ANKRD16: variants seen among roughly 807,000 people sequenced by gnomAD.
ANKRD16 encodes ankyrin repeat domain-containing protein 16.
ANKRD16 carries 35 observed loss-of-function variants against 37.9 expected under a neutral mutation model. That is an observed-to-expected ratio of 0.92 (90% CI 0.71 to 1.23). The LOEUF (loss-of-function observed/expected upper bound fraction) is 1.23. Ranked by LOEUF, ANKRD16 falls within the 50% of genes most tolerant of loss-of-function variation. The probability of loss-of-function intolerance (pLI) is 0.00; values close to 1 mark genes in which losing one functional copy is unlikely to be tolerated. For missense variants in ANKRD16, 480 were observed against 469.9 expected (o/e 1.02, Z -0.20); for synonymous variants, 206 against 197.2 (o/e 1.04, Z -0.37).
chr10:5,883,054 A>G lies in ANKRD16; in HGVS notation c.801T>C (p.Asp267=). The change falls in exon 5 of 8, where the codon GAT becomes GAC. Residue 267 remains aspartate (D), a synonymous_variant. Coordinates refer to ENST00000380094, the MANE Select transcript of ANKRD16 (RefSeq NM_019046.3). ...TGAGGTGGGTTGATGTGGCTCTCACATCTACATCGACGCCAAGTTCAGAGA... is the reference window on the plus strand; with the variant it reads ...TGAGGTGGGTTGATGTGGCTCTCACGTCTACATCGACGCCAAGTTCAGAGA... The part of the protein sequence containing the change: ...FLVSELGVDV[D]VRATSTHLTA... 1 of 1,614,108 alleles carries G rather than the reference A, an allele frequency of 6.2e-7. No homozygotes were observed. The highest frequency in any genetic ancestry group is 8.5e-7 in the Non-Finnish European group (1 of 1,180,038).
At chr10:5,886,043 C>G (rs1405426088) in intron 2 of ANKRD16, among the ~76,000 whole-genome samples, 1 of 152,240 alleles carries the variant, frequency 6.6e-6, no homozygotes, top group Non-Finnish European at 1.5e-5. Context: ...AGTTACACTT[C>G]TGTGCTGTGG....
At chr10:5,876,705 C>G (rs886065956) in intron 7 of ANKRD16, among the ~76,000 whole-genome samples, 1 of 152,170 alleles carries the variant, frequency 6.6e-6, no homozygotes, top group African/African-American at 2.4e-5. Flanking sequence ...TGCTCTGTGC[C>G]AAACCGAGCC....
rs1482151882 is a variant in ANKRD16, at chr10:5,862,630, A to C, written c.*95T>G. 7.8e-7 allele frequency: 1 copy of C among 1,289,414 alleles called. No homozygotes were observed. Among genetic ancestry groups the C allele is most frequent in the African/African-American group, 1.5e-5 (1 of 65,802 alleles). The allele number at this position is 1,289,414 out of a possible 1,614,324, so 79.9% of individuals were successfully genotyped here. A position where few individuals can be genotyped will look rare whatever the true frequency, so the allele number is the denominator to read the frequency against. Reference sequence around the variant, plus strand: ...TTGAACTCAGGTTCAGGATGACTGAAGCAAGTTGCACTTGGCTTTCTCTGA... The same window carrying C: ...TTGAACTCAGGTTCAGGATGACTGACGCAAGTTGCACTTGGCTTTCTCTGA... On this transcript the variant is annotated 3_prime_UTR_variant, in exon 8 of 8. Transcript: ENST00000380094. The surrounding 1 kb of genome is among the most constrained non-coding windows in gnomAD (Gnocchi z 6.5).
rs1842041848 is a variant in ANKRD16 at position 5,868,128 on chromosome 10, G to A, written c.*34-5437C>T. On this transcript the variant is annotated intron_variant, in intron 7 of 7. Coordinates refer to ENST00000380094, the MANE Select transcript of ANKRD16 (RefSeq NM_019046.3). This position sits in a 1 kb window ranked among gnomAD's most constrained non-coding sequence, Gnocchi z 4.9. ...TCCATCTTGCTATTACTCACCTTTGGGCCCTGTATTTTTAACCTCTTTGTC... is the reference window on the plus strand; with the variant it reads ...TCCATCTTGCTATTACTCACCTTTGAGCCCTGTATTTTTAACCTCTTTGTC... Among the ~76,000 whole-genome samples, 1 of 152,042 alleles carries A rather than the reference G, an allele frequency of 6.6e-6. No individual in the cohort carries two copies.
At chr10:5,884,701 C>T (rs1842386198) in intron 3 of ANKRD16, among the ~76,000 whole-genome samples, 1 of 144,988 alleles carries the variant, frequency 6.9e-6, no homozygotes, top group South Asian at 2.1e-4. Context: ...CATTGCAGTC[C>T]AGCCTGGGTG....
intron 6 of ANKRD16, among the ~76,000 whole-genome samples, chr10:5,879,818 T>C (rs968518892): frequency 6.6e-6 from 1 of 152,074 alleles, no homozygotes; most frequent in African/African-American, 2.4e-5. Flanking sequence ...TATGAAGGCT[T>C]TGCAGAGAAA....
chr10:5,877,668 C>T (rs903312997), intron 7 of ANKRD16, among the ~76,000 whole-genome samples: 3 of 152,174 alleles, frequency 2.0e-5, no homozygotes, highest in African/African-American at 7.2e-5. Context: ...ATTAAATGGG[C>T]CAACTGCATT....
At chr10:5,884,853 A>G (rs1842390565) in intron 3 of ANKRD16, among the ~76,000 whole-genome samples, 1 of 151,436 alleles carries the variant, frequency 6.6e-6, no homozygotes, top group African/African-American at 2.4e-5. Flanking sequence ...TCTTAAATGT[A>G]CCACAGTTGT....
rs754172394 is a variant in ANKRD16 at position 5,878,470 on chromosome 10, T to C, written c.929-183A>G. Among the ~76,000 whole-genome samples the C allele has an allele frequency of 2.0e-5, 3 of 151,838 alleles. No individual in the cohort carries two copies. The highest frequency in any genetic ancestry group is 2.4e-5 in the African/African-American group (1 of 41,320). ...TCTAACCTGATTGGGTTGAAAATAG[T>C]TTTAAAGATAACAAAACCAGTTAGA... On this transcript the variant is annotated intron_variant, in intron 6 of 7. Coordinates refer to ENST00000380094, the MANE Select transcript of ANKRD16 (RefSeq NM_019046.3). This position sits in a 1 kb window ranked among gnomAD's most constrained non-coding sequence, Gnocchi z 5.1.
In ANKRD16 at chr10:5,889,326, A is replaced by C. The variant is rs1842546408; in HGVS notation, c.29T>G (p.Leu10Arg). 7.1e-6 allele frequency: 9 copies of C among 1,266,160 alleles called. No individual in the cohort carries two copies. In the South Asian group the frequency reaches 2.4e-4, roughly 33 times the overall value. 78.4% of individuals were successfully genotyped at this position (1,266,160 alleles called of 1,614,324 possible). MAQPGDPRR[L>R]CRLVQEGRLR... ...CCGGCCCTCCTGCACCAGCCTGCAG[A>C]GGCGCCGCGGGTCCCCGGGCTGGGC... Residue 10 changes from leucine to arginine, a missense_variant, in exon 1 of 8, where the codon CTC (leucine) becomes CGC (arginine). Transcript: ENST00000380094.
At position 5,889,072 on chromosome 10, in the gene ANKRD16, C is replaced by G; in HGVS notation, c.283G>C (p.Ala95Pro). The G allele has an allele frequency of 3.2e-6, 5 of 1,555,960 alleles. No homozygotes were observed. The highest frequency in any genetic ancestry group is 4.3e-6 in the Non-Finnish European group (5 of 1,157,378). Residue 95 changes from alanine to proline, a missense_variant, in exon 1 of 8, where the codon GCA becomes CCA. Ala to Pro is a conservative substitution (Grantham distance 27, BLOSUM62 -1). Coordinates refer to ENST00000380094, the MANE Select transcript of ANKRD16 (RefSeq NM_019046.3). Reference protein sequence around the residue: ...DCVRYLLGRGAAVDCLKKADW... With the variant: ...DCVRYLLGRGPAVDCLKKADW... Reference sequence around the variant, plus strand: ...GCCTTCTTCAGGCAGTCGACCGCTGCCCCCCGGCCCAGCAGGTAGCGCACG... The same window carrying G: ...GCCTTCTTCAGGCAGTCGACCGCTGGCCCCCGGCCCAGCAGGTAGCGCACG...
chr10:5,885,165 C>T (rs1427478897), intron 3 of ANKRD16, among the ~76,000 whole-genome samples: 1 of 151,982 alleles, frequency 6.6e-6, no homozygotes, highest in African/African-American at 2.4e-5. Flanking sequence ...GCACCTGGTA[C>T]AGGGCTTTAT....
intron 3 of ANKRD16, 129 bp from the exon 4 acceptor site, chr10:5,884,206 T>A: frequency 1.5e-6 from 1 of 669,946 alleles, no homozygotes; most frequent in South Asian, 1.8e-5. Context: ...GCTCTCTCTA[T>A]TCTCCCCCAT....
At chr10:5,875,613 AT>A (rs1281021453) in intron 7 of ANKRD16, among the ~76,000 whole-genome samples, 2 of 152,154 alleles carry the variant, frequency 1.3e-5, no homozygotes, top group Non-Finnish European at 1.5e-5. Flanking sequence ...TAATAGAAAA[AT>A]ATTAGTTATC....
In ANKRD16 at chr10:5,878,096, C is replaced by G; in HGVS notation, c.*33+1G>C. The G allele has an allele frequency of 6.2e-7, 1 of 1,601,470 alleles. No individual in the cohort carries two copies. ...GACTTAAGAAGCAGGATATGAATTA[C>G]CATGCACTTTATTGCCTCCTCTTGG... On this transcript the variant is annotated splice_donor_variant, in intron 7 of 7. Transcript: ENST00000380094. LOFTEE classifies it low-confidence loss of function (3UTR_SPLICE). The surrounding 1 kb of genome is among the most constrained non-coding windows in gnomAD (Gnocchi z 5.1).
At position 5,874,870 on chromosome 10, in the gene ANKRD16, T is replaced by C. The variant is rs185498357; in HGVS notation, c.*33+3227A>G. Among the ~76,000 whole-genome samples the C allele has an allele frequency of 4.9e-4, 74 of 152,110 alleles. No homozygotes were observed. In the East Asian group the frequency reaches 0.013, roughly 27 times the overall value. Reference sequence around the variant, plus strand: ...TGCTGGAGACAGAAGCTGGTACGCATGAGCACGGAGGGCCAGCCTGACAGA... The same window carrying C: ...TGCTGGAGACAGAAGCTGGTACGCACGAGCACGGAGGGCCAGCCTGACAGA... On this transcript the variant is annotated intron_variant, in intron 7 of 7. Coordinates refer to ENST00000380094, the MANE Select transcript of ANKRD16 (RefSeq NM_019046.3). This position sits in a 1 kb window ranked among gnomAD's most constrained non-coding sequence, Gnocchi z 4.7.
Position 5,871,351 on chromosome 10 carries a change from C to A in ANKRD16, c.*33+6746G>T, listed in dbSNP as rs1842086923. The stretch of plus-strand genomic sequence containing the variant: ...GCTGTGAGCCGAGATTGAGCCATTG[C>A]ACTCTAGCCTGGGCGACAGAGCTAG... On this transcript the variant is annotated intron_variant, in intron 7 of 7. Coordinates refer to ENST00000380094, the MANE Select transcript of ANKRD16 (RefSeq NM_019046.3). This position sits in a 1 kb window ranked among gnomAD's most constrained non-coding sequence, Gnocchi z 4.5. Among the ~76,000 whole-genome samples the A allele has an allele frequency of 6.6e-6, 1 of 151,966 alleles. No individual in the cohort carries two copies. Among genetic ancestry groups the A allele is most frequent in the African/African-American group, 2.4e-5 (1 of 41,344 alleles).
rs747373829 is a variant in ANKRD16 at position 5,865,090 on chromosome 10, C to G, written c.*34-2399G>C. Reference sequence around the variant, plus strand: ...CAAGAGGAACAGGCTGAAAAGGAAACGTTAGATCAGAGAAAGGCTGCAGCC... The same window carrying G: ...CAAGAGGAACAGGCTGAAAAGGAAAGGTTAGATCAGAGAAAGGCTGCAGCC... On this transcript the variant is annotated intron_variant, in intron 7 of 7. Transcript: ENST00000380094. This position sits in a 1 kb window ranked among gnomAD's most constrained non-coding sequence, Gnocchi z 4.7. Among the ~76,000 whole-genome samples, 1 of 152,094 alleles carries G rather than the reference C, an allele frequency of 6.6e-6. No homozygotes were observed. The highest frequency in any genetic ancestry group is 2.4e-5 in the African/African-American group (1 of 41,414).
chr10:5,869,083 T>C lies in ANKRD16; in HGVS notation c.*34-6392A>G. Among the ~76,000 whole-genome samples the C allele has an allele frequency of 6.6e-6, 1 of 152,192 alleles. No homozygotes were observed. Among genetic ancestry groups the C allele is most frequent in the Admixed American group, 6.5e-5 (1 of 15,268 alleles). On this transcript the variant is annotated intron_variant, in intron 7 of 7. Coordinates refer to ENST00000380094, the MANE Select transcript of ANKRD16 (RefSeq NM_019046.3). This position sits in a 1 kb window ranked among gnomAD's most constrained non-coding sequence, Gnocchi z 4.0. ...ACATTGAGATGTTTTGCGATTTTTT[T>C]TTTTAAAGCTCATCAGCTATCTTTA...
Sources: gnomAD v4.1 joint callset for allele counts (sites outside exome capture counted in the v4.1 genomes callset) on GRCh38, gnomAD v4.1.1 for gene constraint, Gnocchi (gnomAD v3.1) non-coding constraint, MANE v1.5 for transcripts, NCBI Gene and HGNC (gene_info 2026-07-23, HGNC 2026-07-21) for gene names.